Variants in ANO4 observed in about 807,000 individuals in gnomAD.
The protein encoded by ANO4 is anoctamin 4.
Under a neutral mutation model 141.9 loss-of-function variants are expected in ANO4, and 69 were observed. The observed-to-expected ratio is 0.49, with a 90% CI of 0.40 to 0.59. The LOEUF (loss-of-function observed/expected upper bound fraction) is 0.59. Among genes scored for constraint, ANO4 ranks in the 20% least tolerant of loss-of-function variants. The pLI, the probability that ANO4 is intolerant of heterozygous loss-of-function variation, is 0.00. For missense variants in ANO4, 894 were observed against 1,162.2 expected (o/e 0.77, Z 3.36); for synonymous variants, 350 against 394.3 (o/e 0.89, Z 1.33).
chr12:101,036,009 GA>G (rs2047178636), intron 9 of ANO4, among the ~76,000 whole-genome samples: 1 of 151,916 alleles, frequency 6.6e-6, no homozygotes, highest in Admixed American at 6.6e-5. Flanking sequence ...ATAAAAGTTA[GA>G]AGGAAAAAAA....
intron 2 of ANO4, among the ~76,000 whole-genome samples, chr12:100,737,036 G>A (rs2031647852): frequency 6.6e-6 from 1 of 152,180 alleles, no homozygotes; most frequent in Non-Finnish European, 1.5e-5. Context: ...CCTCTGAAGG[G>A]GAGGTAGGTA....
At chr12:100,814,413 A>C (rs376662906) in intron 1 of ANO4, among the ~76,000 whole-genome samples, 3 of 152,256 alleles carry the variant, frequency 2.0e-5, no homozygotes, top group Admixed American at 6.5e-5. Flanking sequence ...AAGGGGCTAC[A>C]AGTTCATATG....
intron 1 of ANO4, among the ~76,000 whole-genome samples, chr12:100,870,518 A>AT (rs138912701): frequency 0.035 from 5,268 of 151,510 alleles, 272 homozygotes; most frequent in African/African-American, 0.11. Context: ...TATTTGCAGG[A>AT]TTTTTTTTTA....
intron 1 of ANO4, among the ~76,000 whole-genome samples, chr12:100,887,418 A>C (rs1318578610): frequency 6.6e-6 from 1 of 151,996 alleles, no homozygotes; most frequent in Non-Finnish European, 1.5e-5. Context: ...TGACCATGCT[A>C]CTCTCTTATG....
intron 24 of ANO4, among the ~76,000 whole-genome samples, chr12:101,114,908 C>T (rs958627945): frequency 3.3e-5 from 5 of 152,160 alleles, no homozygotes; most frequent in Non-Finnish European, 5.9e-5. Flanking sequence ...TTTGTTTTCA[C>T]CCACGAGTGA....
At chr12:100,744,232 A>G (rs1226322970) in intron 3 of ANO4, among the ~76,000 whole-genome samples, 5 of 152,202 alleles carry the variant, frequency 3.3e-5, no homozygotes, top group Admixed American at 2.0e-4. Context: ...TGAATTTATT[A>G]TTCTATTTAA....
intron 8 of ANO4, among the ~76,000 whole-genome samples, chr12:100,993,898 G>T (rs946138493): frequency 6.6e-6 from 1 of 152,126 alleles, no homozygotes; most frequent in Non-Finnish European, 1.5e-5. Flanking sequence ...ATTCAGGTTC[G>T]AACAGGAAGG....
At chr12:101,011,912 A>T (rs889803499) in intron 8 of ANO4, among the ~76,000 whole-genome samples, 1 of 152,014 alleles carries the variant, frequency 6.6e-6, no homozygotes, top group Non-Finnish European at 1.5e-5. Flanking sequence ...GAAGTTTTTA[A>T]CCATGCAGAT....
chr12:101,028,022 G>T (rs1157342487), intron 9 of ANO4, among the ~76,000 whole-genome samples: 9 of 152,018 alleles, frequency 5.9e-5, no homozygotes, highest in African/African-American at 2.2e-4. Context: ...TCCAGGTGCG[G>T]GAGCGAACCA....
intron 8 of ANO4, among the ~76,000 whole-genome samples, chr12:101,003,050 A>G (rs757172860): frequency 2.0e-5 from 3 of 152,192 alleles, no homozygotes; most frequent in Non-Finnish European, 2.9e-5. Flanking sequence ...ATGGATTGCC[A>G]CAGCTTCTCC....
At chr12:100,966,810 C>T (rs1372599276) in intron 5 of ANO4, among the ~76,000 whole-genome samples, 6 of 144,754 alleles carry the variant, frequency 4.1e-5, no homozygotes, top group Admixed American at 3.5e-4. Context: ...TATATACACA[C>T]ACACACATAT....
chr12:100,766,120 A>G (rs1242628827), intron 3 of ANO4, among the ~76,000 whole-genome samples: 1 of 152,072 alleles, frequency 6.6e-6, no homozygotes, highest in Admixed American at 6.5e-5. Context: ...ATCATGCAGT[A>G]TTTGCCTTTC....
intron 3 of ANO4, among the ~76,000 whole-genome samples, chr12:100,922,789 T>A (rs1475679461): frequency 6.6e-6 from 1 of 152,164 alleles, no homozygotes; most frequent in Non-Finnish European, 1.5e-5. Flanking sequence ...GATGATGGAC[T>A]GCATGCCAGA....
intron 26 of ANO4, among the ~76,000 whole-genome samples, chr12:101,123,563 A>G (rs2051185123): frequency 6.6e-6 from 1 of 151,410 alleles, no homozygotes; most frequent in Non-Finnish European, 1.5e-5. Context: ...AAGTGAGAAC[A>G]TGTGGTATTT....
At chr12:101,072,499 C>T (rs2136808992) in intron 14 of ANO4, among the ~76,000 whole-genome samples, 1 of 152,170 alleles carries the variant, frequency 6.6e-6, no homozygotes, top group South Asian at 2.1e-4. Context: ...AGAAGAAAAC[C>T]TAGGCAACAT....
intron 8 of ANO4, among the ~76,000 whole-genome samples, chr12:100,997,555 C>G (rs2045445136): frequency 6.6e-6 from 1 of 151,138 alleles, no homozygotes; most frequent in African/African-American, 2.4e-5. Flanking sequence ...TATTCTGAAC[C>G]AAGGAGAATA....
At chr12:100,950,950 A>G (rs577053480) in intron 5 of ANO4, among the ~76,000 whole-genome samples, 10 of 152,306 alleles carry the variant, frequency 6.6e-5, no homozygotes, top group African/African-American at 2.2e-4. Context: ...TACACATTGG[A>G]ATTTCTTCTG....
Position 101,083,825 on chromosome 12 carries a change from A to G in ANO4, c.1536+7A>G. Reference sequence around the variant, plus strand: ...ATCTGGAATATTTTTTATGGTTTGAAACTTTTAAAAAAATATTTGTTTCAT... The same window carrying G: ...ATCTGGAATATTTTTTATGGTTTGAGACTTTTAAAAAAATATTTGTTTCAT... On this transcript the variant is annotated splice_region_variant and intron_variant, in intron 16 of 27. Coordinates refer to ENST00000392977, the MANE Select transcript of ANO4 (RefSeq NM_001286615.2). 6.5e-7 allele frequency: 1 copy of G among 1,545,804 alleles called. No individual in the cohort carries two copies. The highest frequency in any genetic ancestry group is 8.7e-7 in the Non-Finnish European group (1 of 1,154,648).
intron 1 of ANO4, among the ~76,000 whole-genome samples, chr12:100,864,986 C>T (rs2038679272): frequency 6.6e-6 from 1 of 152,078 alleles, no homozygotes; most frequent in South Asian, 2.1e-4. Context: ...TTTTCAGCTT[C>T]ATCCATGGTG....
Sources: allele counts gnomAD v4.1 joint callset (sites outside exome capture counted in the v4.1 genomes callset), GRCh38; gene constraint gnomAD v4.1.1; transcripts MANE v1.5; gene names NCBI Gene and HGNC (gene_info 2026-07-23, HGNC 2026-07-21).